NAA25: variants seen among roughly 807,000 people sequenced by gnomAD.
NAA25 encodes the protein N-alpha-acetyltransferase 25, NatB auxiliary subunit.
A neutral mutation model predicts 132.5 loss-of-function variants in NAA25; 30 were observed. That is an observed-to-expected ratio of 0.23 (90% CI 0.17 to 0.31). The LOEUF (loss-of-function observed/expected upper bound fraction) is 0.31. Among genes scored for constraint, NAA25 ranks in the 10% least tolerant of loss-of-function variants. The pLI is 1.00. For missense variants in NAA25, 771 were observed against 1,150.4 expected (o/e 0.67, Z 4.77); for synonymous variants, 359 against 401.9 (o/e 0.89, Z 1.28).
chr12:112,061,580 G>A (rs1392140372), intron 11 of NAA25, among the ~76,000 whole-genome samples, 192 bp from the exon 12 acceptor site: 1 of 152,100 alleles, frequency 6.6e-6, no homozygotes, highest in Non-Finnish European at 1.5e-5. Flanking sequence ...CAACACTGGT[G>A]AAGCTCCAAT....
chr12:112,050,311 A>G (rs566043558), intron 15 of NAA25, among the ~76,000 whole-genome samples: 4 of 152,266 alleles, frequency 2.6e-5, no homozygotes, highest in African/African-American at 9.6e-5. Flanking sequence ...TGAAAGCCAC[A>G]GGCACTTTAA....
At chr12:112,047,483 C>T (rs1312241889) in intron 17 of NAA25, among the ~76,000 whole-genome samples, 182 bp downstream of exon 17, 1 of 152,110 alleles carries the variant, frequency 6.6e-6, no homozygotes, top group African/African-American at 2.4e-5. Context: ...CCACCGGCCT[C>T]GGCCTCCCAA....
At chr12:112,097,824 T>C (rs1046455876) in intron 1 of NAA25, among the ~76,000 whole-genome samples, 1 of 151,464 alleles carries the variant, frequency 6.6e-6, no homozygotes, top group African/African-American at 2.4e-5. Flanking sequence ...GGAAAAAACA[T>C]TATGAAGAAC....
chr12:112,032,700 T>G (rs2078165621), intron 23 of NAA25, among the ~76,000 whole-genome samples: 2 of 152,310 alleles, frequency 1.3e-5, no homozygotes, highest in South Asian at 4.1e-4. Context: ...TTATAAGGAT[T>G]TTGCTAACTA....
chr12:112,060,541 G>A (rs2078612632), intron 12 of NAA25, among the ~76,000 whole-genome samples, 182 bp from the exon 13 acceptor site: 1 of 152,196 alleles, frequency 6.6e-6, no homozygotes, highest in African/African-American at 2.4e-5. Flanking sequence ...AAGAAGGTGA[G>A]ACCACACTCA....
chr12:112,078,783 C>T lies in NAA25; in HGVS notation c.478-42G>A, dbSNP rs1007885887. The T allele has an allele frequency of 4.7e-6, 7 of 1,485,168 alleles. No individual in the cohort carries two copies. In the African/African-American group the frequency reaches 9.7e-5, roughly 21 times the overall value. The allele number at this position is 1,485,168 out of a possible 1,614,324, so 92.0% of individuals were successfully genotyped here. A position where few individuals can be genotyped will look rare whatever the true frequency, so the allele number is the denominator to read the frequency against. ...AATGTTTCATTCTAATTCTCCCCTG[C>T]TTGCACTATTGATATTAACATTACT... On this transcript the variant is annotated intron_variant, in intron 5 of 23. Coordinates refer to ENST00000261745, the MANE Select transcript of NAA25 (RefSeq NM_024953.4).
intron 15 of NAA25, 144 bp downstream of exon 15, chr12:112,053,414 T>TG: frequency 1.6e-6 from 1 of 618,770 alleles, no homozygotes; most frequent in Non-Finnish European, 3.0e-6. Context: ...CTACCAGCCT[T>TG]GGACAGTAAG....
chr12:112,030,210 C>CA (rs67757055), intron 23 of NAA25, among the ~76,000 whole-genome samples: 32,473 of 53,280 alleles, frequency 0.61, 11,049 homozygotes, highest in Non-Finnish European at 0.74. Flanking sequence ...AAAGCTGTCT[C>CA]AAAAAAAAAA....
intron 9 of NAA25, 103 bp downstream of exon 9, chr12:112,074,572 T>C: frequency 1.6e-6 from 1 of 620,324 alleles, no homozygotes; most frequent in Non-Finnish European, 2.7e-6. Context: ...AAAGGAATAC[T>C]TTATTGAGAC....
intron 2 of NAA25, 95 bp downstream of exon 2, chr12:112,092,956 T>C (rs1488729060): frequency 3.6e-6 from 3 of 828,418 alleles, no homozygotes; most frequent in Admixed American, 5.0e-5. Context: ...GATTACAGGC[T>C]TGAGCCACCA....
chr12:112,045,551 TTGAG>T (rs1399635189), intron 17 of NAA25, among the ~76,000 whole-genome samples: 1 of 151,176 alleles, frequency 6.6e-6, no homozygotes. Flanking sequence ...TCACAGCACT[TTGAG>T]TGGCCCAGAT....
chr12:112,031,448 T>C (rs1213491655), intron 23 of NAA25, among the ~76,000 whole-genome samples: 1 of 152,224 alleles, frequency 6.6e-6, no homozygotes, highest in Non-Finnish European at 1.5e-5. Context: ...CATAATCCTA[T>C]GAAGTAGGCA....
At chr12:112,091,148 G>A (rs1418053636) in intron 2 of NAA25, among the ~76,000 whole-genome samples, 1 of 151,540 alleles carries the variant, frequency 6.6e-6, no homozygotes, top group African/African-American at 2.4e-5. Context: ...TGTGCACCCA[G>A]CTACTTGACA....
intron 2 of NAA25, among the ~76,000 whole-genome samples, chr12:112,091,571 T>C (rs1282177813): frequency 4.6e-5 from 7 of 152,082 alleles, no homozygotes; most frequent in Non-Finnish European, 1.0e-4. Flanking sequence ...TGCACATCTG[T>C]GGTCCCAGCT....
intron 21 of NAA25, 151 bp from the exon 22 acceptor site, chr12:112,039,490 A>G: frequency 1.8e-6 from 1 of 550,660 alleles, no homozygotes; most frequent in Non-Finnish European, 3.2e-6. Context: ...ACTTTCTGCA[A>G]TCACTCTACT....
At chr12:112,092,970 C>G in intron 2 of NAA25, 81 bp downstream of exon 2, 1 of 995,284 alleles carries the variant, frequency 1.0e-6, no homozygotes, top group Non-Finnish European at 1.5e-6. Context: ...GCCACCATGC[C>G]CGGCCCTCCT....
At chr12:112,031,082 G>A (rs1485346649) in intron 23 of NAA25, among the ~76,000 whole-genome samples, 3 of 151,992 alleles carry the variant, frequency 2.0e-5, no homozygotes, top group African/African-American at 4.8e-5. Flanking sequence ...ACCTGGCCGA[G>A]TTTACATTTT....
intron 13 of NAA25, among the ~76,000 whole-genome samples, chr12:112,057,932 G>A (rs186561016): frequency 1.3e-5 from 2 of 152,332 alleles, no homozygotes; most frequent in Admixed American, 1.3e-4. Flanking sequence ...AGTGAGCCAA[G>A]ATTGTGCCAT....
chr12:112,038,267 G>A (rs1210192152), intron 22 of NAA25, among the ~76,000 whole-genome samples: 4 of 152,176 alleles, frequency 2.6e-5, no homozygotes, highest in Admixed American at 2.0e-4. Context: ...GCCCGTCTCG[G>A]CCTCCCAAAG....
Sources: gnomAD v4.1 joint callset for allele counts (sites outside exome capture counted in the v4.1 genomes callset) on GRCh38, gnomAD v4.1.1 for gene constraint, MANE v1.5 for transcripts, NCBI Gene and HGNC (gene_info 2026-07-23, HGNC 2026-07-21) for gene names.